Variants in CARS1 observed in about 807,000 individuals in gnomAD.
CARS1 encodes the protein cysteine--tRNA ligase, cytoplasmic.
A neutral mutation model predicts 106.2 loss-of-function variants in CARS1; 48 were observed. The observed-to-expected ratio is 0.45, with a 90% CI of 0.36 to 0.57. The LOEUF (loss-of-function observed/expected upper bound fraction) is 0.57, where lower values mean the gene tolerates loss of function less well. Among genes scored for constraint, CARS1 ranks in the 20% least tolerant of loss-of-function variants. The pLI, the probability that CARS1 is intolerant of heterozygous loss-of-function variation, is 0.00. For missense variants in CARS1, 968 were observed against 1,057.2 expected, an observed-to-expected ratio of 0.92 and a Z score of 1.17; for synonymous variants, 409 against 403.4, an observed-to-expected ratio of 1.01 and a Z score of -0.17.
chr11:3,049,479 G>A (rs535744476), intron 1 of CARS1, among the ~76,000 whole-genome samples: 1 of 152,350 alleles, frequency 6.6e-6, no homozygotes, highest in East Asian at 1.9e-4. Flanking sequence ...GGCAGACCAG[G>A]CAGATGGTGC....
chr11:3,053,564 T>G lies in CARS1; in HGVS notation c.25+3779A>C, dbSNP rs1855898991. ...GCATTTAAACCTCTCCCGGCTGCCC[T>G]GTTTCTCTTCCTGCGTTCCCTTGAG... is the stretch of plus-strand genomic sequence containing the variant. On this transcript the variant is annotated intron_variant, in intron 1 of 22. Transcript: ENST00000380525. The surrounding 1 kb of genome is among the most constrained non-coding windows in gnomAD (Gnocchi z 6.6). 6.6e-6 allele frequency among the ~76,000 whole-genome samples: 1 copy of G among 152,144 alleles called. No homozygotes were observed. The highest frequency in any genetic ancestry group is 6.5e-5 in the Admixed American group (1 of 15,276).
Position 3,041,456 on chromosome 11 carries a change from G to C in CARS1, c.367-472C>G, listed in dbSNP as rs1288333931. Among the ~76,000 whole-genome samples, 1 of 152,080 alleles carries C rather than the reference G, an allele frequency of 6.6e-6. No homozygotes were observed. Among genetic ancestry groups the C allele is most frequent in the Non-Finnish European group, 1.5e-5 (1 of 68,010 alleles). On this transcript the variant is annotated intron_variant, in intron 3 of 22. Transcript: ENST00000380525. This position sits in a 1 kb window ranked among gnomAD's most constrained non-coding sequence, Gnocchi z 4.9. ...GGGTCAGTCCCTGTTGGGGGAGCGC[G>C]GCTTGGAGGCCAGGACCCCTGAATC...
intron 1 of CARS1, chr11:3,054,963 G>C (rs1856052517): frequency 1.4e-6 from 1 of 702,478 alleles, no homozygotes; most frequent in South Asian, 1.5e-5. Flanking sequence ...CCTCAGAAAT[G>C]AAACTCATCC....
At chr11:3,051,210 C>T (rs1400919068) in intron 1 of CARS1, among the ~76,000 whole-genome samples, 1 of 152,252 alleles carries the variant, frequency 6.6e-6, no homozygotes. Context: ...ATACCAGAGA[C>T]ATAAGAACAA....
rs1033418500 is a variant in CARS1, at chr11:3,047,745, T to C, written c.274+8A>G. The C allele has an allele frequency of 1.9e-6, 3 of 1,605,186 alleles. No homozygotes were observed. Among genetic ancestry groups the C allele is most frequent in the Non-Finnish European group, 2.6e-6 (3 of 1,174,112 alleles). ...TCTAATGGCCAGGGAACCCACTCTGTTACTCACTTGCTTGGAGCCTGCAGG... is the reference window on the plus strand; with the variant it reads ...TCTAATGGCCAGGGAACCCACTCTGCTACTCACTTGCTTGGAGCCTGCAGG... On this transcript the variant is annotated splice_region_variant and intron_variant, in intron 2 of 22. Coordinates refer to ENST00000380525, the MANE Select transcript of CARS1 (RefSeq NM_001014437.3).
chr11:3,042,326 G>A, intron 2 of CARS1, 70 bp from the exon 3 acceptor site: 1 of 1,104,870 alleles, frequency 9.1e-7, no homozygotes. Context: ...CTCTTCACCT[G>A]GAGACTTGGT....
chr11:3,013,246 A>G (rs1228036343), intron 17 of CARS1, among the ~76,000 whole-genome samples: 1 of 151,090 alleles, frequency 6.6e-6, no homozygotes, highest in Non-Finnish European at 1.5e-5. Flanking sequence ...TCCACCTTCC[A>G]GGTTCAAGCG....
rs1855330181 is a variant in CARS1 at position 3,048,420 on chromosome 11, T to TGGGGAAATCATA, written c.26-431_26-420dup. Reference sequence around the variant, plus strand: ...ATTACACAGTTCAGTTTCTGACATTTGGGGAAATCATAGGGGTCAGCACAT... The same window carrying TGGGGAAATCATA: ...ATTACACAGTTCAGTTTCTGACATTTGGGGAAATCATAGGGGAAATCATAGGGGTCAGCACAT... On this transcript the variant is annotated intron_variant, in intron 1 of 22. Coordinates refer to ENST00000380525, the MANE Select transcript of CARS1 (RefSeq NM_001014437.3). This position sits in a 1 kb window ranked among gnomAD's most constrained non-coding sequence, Gnocchi z 5.1. 4 of 161,922 alleles carry TGGGGAAATCATA rather than the reference T, an allele frequency of 2.5e-5. No homozygotes were observed. The highest frequency in any genetic ancestry group is 2.4e-4 in the Admixed American group (4 of 16,696). The allele number at this position is 161,922 out of a possible 1,614,324, so 10.0% of individuals were successfully genotyped here.
At position 3,038,188 on chromosome 11, in the gene CARS1, T is replaced by C; in HGVS notation, c.663A>G (p.Val221=). The change falls in exon 7 of 23, where the codon GTA becomes GTG. Residue 221 remains valine (V), a synonymous_variant. Transcript: ENST00000380525. The surrounding 1 kb of genome is among the most constrained non-coding windows in gnomAD (Gnocchi z 4.0). Reference sequence around the variant, plus strand: ...CGGGATCCGTGGTCTCATTTAATTTTACTGAAAATGGCTGCAACCATAAAG... The same window carrying C: ...CGGGATCCGTGGTCTCATTTAATTTCACTGAAAATGGCTGCAACCATAAAG... ...DVQAALKPFS[V]KLNETTDPDK... 6.2e-7 allele frequency: 1 copy of C among 1,613,980 alleles called. No individual in the cohort carries two copies.
intron 18 of CARS1, among the ~76,000 whole-genome samples, chr11:3,011,783 C>T (rs917653814): frequency 6.6e-6 from 1 of 152,236 alleles, no homozygotes; most frequent in African/African-American, 2.4e-5. Context: ...CACCTCAGCG[C>T]ACCCAGCCTA....
intron 10 of CARS1, among the ~76,000 whole-genome samples, chr11:3,025,968 A>G (rs1852031356): frequency 1.3e-5 from 2 of 152,258 alleles, no homozygotes; most frequent in Admixed American, 1.3e-4. Context: ...TTCTCAAGAC[A>G]GCACTGCGTT....
intron 14 of CARS1, 145 bp downstream of exon 14, chr11:3,018,263 C>T: frequency 1.6e-6 from 1 of 639,644 alleles, no homozygotes. Flanking sequence ...GCCTGTTATA[C>T]CCACTAGCAT....
In CARS1 at chr11:3,041,245, G is replaced by A; in HGVS notation, c.367-261C>T. ...CTCATCTATGGAGGGAGGCGATAAA[G>A]GGAATCAATGATTTTATTGATTGTT... is the stretch of plus-strand genomic sequence containing the variant. On this transcript the variant is annotated intron_variant, in intron 3 of 22. Coordinates refer to ENST00000380525, the MANE Select transcript of CARS1 (RefSeq NM_001014437.3). The surrounding 1 kb of genome is among the most constrained non-coding windows in gnomAD (Gnocchi z 4.9). 2.1e-5 allele frequency: 10 copies of A among 477,640 alleles called. No individual in the cohort carries two copies. The highest frequency in any genetic ancestry group is 8.1e-5 in the South Asian group (3 of 36,868). 29.6% of individuals were successfully genotyped at this position (477,640 alleles called of 1,614,324 possible).
Position 3,028,807 on chromosome 11 carries a change from G to A in CARS1, c.1031+189C>T. The A allele has an allele frequency of 1.7e-6, 1 of 605,616 alleles. No homozygotes were observed. Among genetic ancestry groups the A allele is most frequent in the South Asian group, 2.0e-5 (1 of 50,858 alleles). The allele number at this position is 605,616 out of a possible 1,614,324, so 37.5% of individuals were successfully genotyped here. Reference sequence around the variant, plus strand: ...GGTTCTCACCATGGCCCCCAGGACAGTGCAGACCCATGCTCCTCAGCCCCT... The same window carrying A: ...GGTTCTCACCATGGCCCCCAGGACAATGCAGACCCATGCTCCTCAGCCCCT... On this transcript the variant is annotated intron_variant, in intron 9 of 22. Coordinates refer to ENST00000380525, the MANE Select transcript of CARS1 (RefSeq NM_001014437.3). The surrounding 1 kb of genome is among the most constrained non-coding windows in gnomAD (Gnocchi z 4.4).
At chr11:3,007,176 A>T in intron 18 of CARS1, 1 of 587,580 alleles carries the variant, frequency 1.7e-6, no homozygotes, top group Non-Finnish European at 3.0e-6. Flanking sequence ...AAGCCCAGAG[A>T]CTAGTGTCTC....
At position 3,030,803 on chromosome 11, in the gene CARS1, G is replaced by C. The variant is rs1852654937; in HGVS notation, c.802-1360C>G. 1 of 152,240 alleles carries C rather than the reference G, an allele frequency of 6.6e-6. No homozygotes were observed. Among genetic ancestry groups the C allele is most frequent in the East Asian group, 1.9e-4 (1 of 5,194 alleles). 9.4% of individuals were successfully genotyped at this position (152,240 alleles called of 1,614,324 possible). On this transcript the variant is annotated intron_variant, in intron 7 of 22. Transcript: ENST00000380525. This position sits in a 1 kb window ranked among gnomAD's most constrained non-coding sequence, Gnocchi z 5.7. ...ACAGGCCAGCAAAGCGGCCCAGCTGGATCTGAAAATAGAAGCAAACGGAAC... is the reference window on the plus strand; with the variant it reads ...ACAGGCCAGCAAAGCGGCCCAGCTGCATCTGAAAATAGAAGCAAACGGAAC...
At chr11:3,015,629 C>A in intron 17 of CARS1, 152 bp downstream of exon 17, 1 of 701,348 alleles carries the variant, frequency 1.4e-6, no homozygotes, top group East Asian at 2.6e-5. Context: ...ACTTAGCACT[C>A]TCAGAGCCAG....
Position 3,039,276 on chromosome 11 carries a change from C to T in CARS1, c.569G>A (p.Arg190Gln), listed in dbSNP as rs1022476903. ...ATACTGCTCGAACAGGTGGTTCTGC[C>T]GGGCCCTCTTGATGATCTGGGGAGG... ...DIDDKIIKRA[R>Q]QNHLFEQYRE... The change falls in exon 6 of 23, where the codon CGG becomes CAG. Residue 190 changes from arginine (R) to glutamine (Q), a missense_variant. Physicochemically the swap from Arg to Gln is conservative, Grantham distance 43 (BLOSUM62 1). Coordinates refer to ENST00000380525, the MANE Select transcript of CARS1 (RefSeq NM_001014437.3). This position sits in a 1 kb window ranked among gnomAD's most constrained non-coding sequence, Gnocchi z 5.6. 3 of 1,612,626 alleles carry T rather than the reference C, an allele frequency of 1.9e-6. No individual in the cohort carries two copies. The highest frequency in any genetic ancestry group is 1.7e-5 in the Admixed American group (1 of 60,020).
At position 3,028,837 on chromosome 11, in the gene CARS1, G is replaced by A; in HGVS notation, c.1031+159C>T. On this transcript the variant is annotated intron_variant, in intron 9 of 22. Coordinates refer to ENST00000380525, the MANE Select transcript of CARS1 (RefSeq NM_001014437.3). The surrounding 1 kb of genome is among the most constrained non-coding windows in gnomAD (Gnocchi z 4.4). ...GACCCATGCTCCTCAGCCCCTGGGT[G>A]GGCCCAGAGTTGTAGGAGGAAGTCT... 1.6e-6 allele frequency: 1 copy of A among 631,268 alleles called. No homozygotes were observed. 39.1% of individuals were successfully genotyped at this position (631,268 alleles called of 1,614,324 possible). A position where few individuals can be genotyped will look rare whatever the true frequency, so the allele number is the denominator to read the frequency against.
Sources: gnomAD v4.1 joint callset for allele counts (sites outside exome capture counted in the v4.1 genomes callset) on GRCh38, gnomAD v4.1.1 for gene constraint, Gnocchi (gnomAD v3.1) non-coding constraint, MANE v1.5 for transcripts, NCBI Gene and HGNC (gene_info 2026-07-23, HGNC 2026-07-21) for gene names.